Variants in SPTBN1 observed in about 807,000 individuals in gnomAD.
SPTBN1 encodes spectrin beta chain, non-erythrocytic 1.
In SPTBN1, 32 loss-of-function variants were observed where a neutral mutation model predicts 266.4. The observed-to-expected ratio is 0.12, with a 90% CI of 0.09 to 0.16. SPTBN1 has a LOEUF of 0.16. SPTBN1 is among the 10% of genes least tolerant of loss of function. SPTBN1 has a pLI of 1.00. For missense variants in SPTBN1, 2,296 were observed against 3,067.1 expected (o/e 0.75, Z 5.94); for synonymous variants, 1,336 against 1,162.2 (o/e 1.15, Z -3.04).
chr2:54,572,702 G>A (rs1243394537), intron 2 of SPTBN1, among the ~76,000 whole-genome samples: 1 of 152,172 alleles, frequency 6.6e-6, no homozygotes, highest in Non-Finnish European at 1.5e-5. Flanking sequence ...TCAATTTGGA[G>A]GTGGGATGTT....
chr2:54,594,833 C>CTTTTTTTTTTTTTTTTTTTTTTTTTTTT (rs71408777), intron 2 of SPTBN1, among the ~76,000 whole-genome samples: 3 of 104,674 alleles, frequency 2.9e-5, no homozygotes, highest in African/African-American at 1.5e-4. Flanking sequence ...TGGTAAGTTT[C>CTTTTTTTTTTTTTTTTTTTTTTTTTTTT]TTTTTTTTTT....
intron 1 of SPTBN1, among the ~76,000 whole-genome samples, chr2:54,502,348 A>G (rs1365260849): frequency 6.6e-6 from 1 of 152,032 alleles, no homozygotes; most frequent in African/African-American, 2.4e-5. Context: ...TGCTGTGGGG[A>G]TGGCAGGCTG....
At chr2:54,667,145 T>A (rs1264975907) in intron 34 of SPTBN1, among the ~76,000 whole-genome samples, 2 of 152,154 alleles carry the variant, frequency 1.3e-5, no homozygotes, top group African/African-American at 4.8e-5. Flanking sequence ...AGACATACAG[T>A]AGAAGAAAAG....
At chr2:54,598,684 G>A (rs1009202510) in intron 2 of SPTBN1, among the ~76,000 whole-genome samples, 2 of 152,160 alleles carry the variant, frequency 1.3e-5, no homozygotes, top group African/African-American at 2.4e-5. Context: ...TACCAGTCAA[G>A]TATTATGGTA....
At chr2:54,563,593 C>CTTTT (rs750173696) in intron 2 of SPTBN1, among the ~76,000 whole-genome samples, 5 of 64,454 alleles carry the variant, frequency 7.8e-5, no homozygotes, top group Admixed American at 5.1e-4. Flanking sequence ...AAAATTTATT[C>CTTTT]TTTTTTTTTT....
At chr2:54,534,335 A>G (rs1039814746) in intron 2 of SPTBN1, among the ~76,000 whole-genome samples, 2 of 151,952 alleles carry the variant, frequency 1.3e-5, no homozygotes. Context: ...TTCCTCATCT[A>G]CTCTTCAGGC....
At position 54,475,583 on chromosome 2, in the gene SPTBN1, A is replaced by G. The variant is rs551735509; in HGVS notation, c.-48+19065A>G. Among the ~76,000 whole-genome samples the G allele has an allele frequency of 2.6e-5, 4 of 152,316 alleles. No homozygotes were observed. The East Asian group carries it at 7.7e-4, about 29-fold the overall frequency. On this transcript the variant is annotated intron_variant, in intron 1 of 35. Transcript: ENST00000356805. ...GAGAATGGTAGAGCCTCCTGCTACC[A>G]TGTGACAGGCACGTAACATGAGTGG...
In SPTBN1 at chr2:54,558,906, G is replaced by A. The variant is rs555765121; in HGVS notation, c.148+32340G>A. The A allele has an allele frequency of 6.8e-6, 11 of 1,611,252 alleles. No homozygotes were observed. In the South Asian group the frequency reaches 1.2e-4, roughly 18 times the overall value. ...CTGCAAGGTAAGCCCCCTCCCAAAG[G>A]CCGGGCCTGTCCTGGGTGCCAACGG... is the stretch of plus-strand genomic sequence containing the variant. On this transcript the variant is annotated intron_variant, in intron 2 of 35. Coordinates refer to ENST00000356805, the MANE Select transcript of SPTBN1 (RefSeq NM_003128.3). The surrounding 1 kb of genome is among the most constrained non-coding windows in gnomAD (Gnocchi z 4.6).
At chr2:54,611,936 A>G (rs936783821) in intron 3 of SPTBN1, among the ~76,000 whole-genome samples, 1 of 152,194 alleles carries the variant, frequency 6.6e-6, no homozygotes, top group Non-Finnish European at 1.5e-5. Flanking sequence ...TAGCTCCACA[A>G]CTATTCTCTA....
intron 28 of SPTBN1, among the ~76,000 whole-genome samples, chr2:54,655,552 A>G (rs1167509412): frequency 6.6e-6 from 1 of 152,172 alleles, no homozygotes; most frequent in Admixed American, 6.5e-5. Flanking sequence ...GATGGTGGTA[A>G]TAAAGAGGTA....
chr2:54,648,742 A>C (rs1680076824), intron 24 of SPTBN1, among the ~76,000 whole-genome samples: 1 of 152,188 alleles, frequency 6.6e-6, no homozygotes, highest in African/African-American at 2.4e-5. Context: ...TCCCTAGTGT[A>C]ATAGTAGGGA....
At chr2:54,522,711 GGAAA>G (rs1188390044) in intron 1 of SPTBN1, among the ~76,000 whole-genome samples, 26 of 93,140 alleles carry the variant, frequency 2.8e-4, no homozygotes, top group South Asian at 7.0e-4. Flanking sequence ...AAGAAAGAAA[GGAAA>G]GAAAGAAAGA....
intron 3 of SPTBN1, among the ~76,000 whole-genome samples, chr2:54,608,477 A>T (rs1167550926): frequency 6.6e-6 from 1 of 152,116 alleles, no homozygotes; most frequent in Admixed American, 6.5e-5. Context: ...AGTCAAGATG[A>T]TGGGTCACAG....
At position 54,664,262 on chromosome 2, in the gene SPTBN1, G is replaced by A. The variant is rs113048834; in HGVS notation, c.6421-191G>A. 0.015 allele frequency: 8,855 copies of A among 601,606 alleles called. 105 individuals are homozygous for A. The highest frequency in any genetic ancestry group is 0.037 in the Middle Eastern group (78 of 2,134). The allele number at this position is 601,606 out of a possible 1,614,324, so 37.3% of individuals were successfully genotyped here. A position where few individuals can be genotyped will look rare whatever the true frequency, so the allele number is the denominator to read the frequency against. On this transcript the variant is annotated intron_variant, in intron 32 of 35. Coordinates refer to ENST00000356805, the MANE Select transcript of SPTBN1 (RefSeq NM_003128.3). The surrounding 1 kb of genome is among the most constrained non-coding windows in gnomAD (Gnocchi z 5.6). ...TTTCTCATTTCCCTGTAAATGGGCG[G>A]GTATTAATCCATTCCCACCTTCTAA...
chr2:54,522,986 C>A (rs1399284089), intron 1 of SPTBN1, among the ~76,000 whole-genome samples: 1 of 152,100 alleles, frequency 6.6e-6, no homozygotes, highest in African/African-American at 2.4e-5. Context: ...TCTGTACTTT[C>A]AGAATTTGGG....
chr2:54,465,294 C>T (rs1693569231), intron 1 of SPTBN1, among the ~76,000 whole-genome samples: 1 of 152,088 alleles, frequency 6.6e-6, no homozygotes, highest in African/African-American at 2.4e-5. Context: ...TATTTCCAGT[C>T]TCCACACTTG....
chr2:54,471,529 T>C lies in SPTBN1; in HGVS notation c.-48+15011T>C, dbSNP rs148600396. On this transcript the variant is annotated intron_variant, in intron 1 of 35. Coordinates refer to ENST00000356805, the MANE Select transcript of SPTBN1 (RefSeq NM_003128.3). ...TGCAAAGTGACCTGATGGGAATAAA[T>C]GGCAGGTTGGTTGTGTAATGCAGCA... Among the ~76,000 whole-genome samples the C allele has an allele frequency of 3.1e-3, 467 of 151,236 alleles. 4 individuals carry two copies. The highest frequency in any genetic ancestry group is 0.011 in the African/African-American group (446 of 41,252).
Position 54,558,917 on chromosome 2 carries a change from C to G in SPTBN1, c.148+32351C>G. 6.2e-7 allele frequency: 1 copy of G among 1,603,634 alleles called. No homozygotes were observed. ...GCCCCCTCCCAAAGGCCGGGCCTGT[C>G]CTGGGTGCCAACGGGGGTTCTTGGA... On this transcript the variant is annotated intron_variant, in intron 2 of 35. Transcript: ENST00000356805. This position sits in a 1 kb window ranked among gnomAD's most constrained non-coding sequence, Gnocchi z 4.6.
At chr2:54,494,794 T>C (rs946105353) in intron 1 of SPTBN1, among the ~76,000 whole-genome samples, 4 of 152,054 alleles carry the variant, frequency 2.6e-5, no homozygotes, top group Non-Finnish European at 5.9e-5. Flanking sequence ...TTAGGAGTGA[T>C]GGGTATGCTC....
Sources: gnomAD v4.1 joint callset for allele counts (sites outside exome capture counted in the v4.1 genomes callset) on GRCh38, gnomAD v4.1.1 for gene constraint, Gnocchi (gnomAD v3.1) non-coding constraint, MANE v1.5 for transcripts, NCBI Gene and HGNC (gene_info 2026-07-23, HGNC 2026-07-21) for gene names.